Variants in MYO5C observed in about 807,000 individuals in gnomAD.
MYO5C encodes unconventional myosin-Vc.
MYO5C carries 194 observed loss-of-function variants against 235.7 expected under a neutral mutation model. The ratio of observed to expected loss-of-function variants is 0.82; its 90% CI spans 0.73 to 0.93. MYO5C has a LOEUF of 0.93. Among genes scored for constraint, MYO5C ranks in the 40% least tolerant of loss-of-function variants. The pLI is 0.00. For missense variants in MYO5C, 2,038 were observed against 2,127.2 expected (o/e 0.96, Z 0.82); for synonymous variants, 707 against 754.8 (o/e 0.94, Z 1.04).
At position 52,193,590 on chromosome 15, in the gene MYO5C, C is replaced by T. The variant is rs560955491; in HGVS notation, c.*312G>A. ...AGATCTCACTCCCTCCTGGTAGAGC[C>T]CTGCCACAAGACAGAACAGATCAAG... On this transcript the variant is annotated 3_prime_UTR_variant, in exon 41 of 41. Coordinates refer to ENST00000261839, the MANE Select transcript of MYO5C (RefSeq NM_018728.4). 2.7e-4 allele frequency: 64 copies of T among 239,678 alleles called. 1 individual carries two copies. In the South Asian group the frequency reaches 4.2e-3, roughly 16 times the overall value. The allele number at this position is 239,678 out of a possible 1,614,324, so 14.8% of individuals were successfully genotyped here.
chr15:52,216,493 A>G (rs2035556177), intron 32 of MYO5C, among the ~76,000 whole-genome samples: 1 of 152,212 alleles, frequency 6.6e-6, no homozygotes, highest in South Asian at 2.1e-4. Context: ...GATTACAGGC[A>G]TGAGCCACTG....
At chr15:52,203,013 C>T (rs114057027) in intron 38 of MYO5C, among the ~76,000 whole-genome samples, 7,433 of 151,252 alleles carry the variant, frequency 0.049, 235 homozygotes, top group African/African-American at 0.087. Flanking sequence ...GTCTGCCTCC[C>T]CAGTTCTAGT....
chr15:52,236,414 C>G lies in MYO5C; in HGVS notation c.2869-651G>C, dbSNP rs373993082. Among the ~76,000 whole-genome samples, 9 of 152,326 alleles carry G rather than the reference C, an allele frequency of 5.9e-5. No individual in the cohort carries two copies. In the East Asian group the frequency reaches 1.2e-3, roughly 20 times the overall value. ...AGAGGCTGGGCACGGTGGCTCACAC[C>G]TGTAATCCCTGCATTTTGGGAGGCC... is the stretch of plus-strand genomic sequence containing the variant. On this transcript the variant is annotated intron_variant, in intron 22 of 40. Coordinates refer to ENST00000261839, the MANE Select transcript of MYO5C (RefSeq NM_018728.4).
chr15:52,227,207 T>G (rs1315346178), intron 25 of MYO5C, among the ~76,000 whole-genome samples: 2 of 121,668 alleles, frequency 1.6e-5, no homozygotes, highest in African/African-American at 7.0e-5. Context: ...TTTTTTTTTT[T>G]TTGTTGAGAC....
chr15:52,287,554 GC>G (rs1043183786), intron 1 of MYO5C, among the ~76,000 whole-genome samples: 1 of 152,032 alleles, frequency 6.6e-6, no homozygotes, highest in African/African-American at 2.4e-5. Flanking sequence ...CAAAATATAT[GC>G]CCCCCAAAAG....
At chr15:52,232,749 A>G in intron 23 of MYO5C, 64 bp from the exon 24 acceptor site, 1 of 1,407,674 alleles carries the variant, frequency 7.1e-7, no homozygotes, top group Non-Finnish European at 1.0e-6. Flanking sequence ...GTTTCATGTT[A>G]TGTTTAAGAA....
chr15:52,263,917 C>T (rs2036746363), intron 9 of MYO5C, among the ~76,000 whole-genome samples: 1 of 152,192 alleles, frequency 6.6e-6, no homozygotes, highest in Non-Finnish European at 1.5e-5. Context: ...GATGCTATGA[C>T]AGTCCGTGGC....
chr15:52,204,857 G>A lies in MYO5C; in HGVS notation c.4820+8C>T, dbSNP rs144368977. The A allele has an allele frequency of 1.2e-3, 2,011 of 1,613,120 alleles. 21 individuals carry two copies. The African/African-American group carries it at 0.023, about 19-fold the overall frequency. ...CTCTCCGCGTGAGCGGAGGTTTCTG[G>A]GTTTTACCTGATCTGCATCCCTTTT... On this transcript the variant is annotated splice_region_variant and intron_variant, in intron 38 of 40. Coordinates refer to ENST00000261839, the MANE Select transcript of MYO5C (RefSeq NM_018728.4).
intron 13 of MYO5C, among the ~76,000 whole-genome samples, chr15:52,250,155 T>C (rs1398286243): frequency 6.6e-6 from 1 of 152,092 alleles, no homozygotes; most frequent in Admixed American, 6.5e-5. Flanking sequence ...TAATTTGACA[T>C]ATGATCATTT....
At position 52,229,312 on chromosome 15, in the gene MYO5C, G is replaced by A; in HGVS notation, c.3028C>T (p.Leu1010Phe). The change falls in exon 25 of 41, where the codon CTT (leucine) becomes TTT (phenylalanine). Residue 1010 changes from leucine (L) to phenylalanine (F), a missense_variant and splice_region_variant. Coordinates refer to ENST00000261839, the MANE Select transcript of MYO5C (RefSeq NM_018728.4). ...TTCAGTTCAAAACTTTTTTCAAGAAGCCTACGCAGCAAAAGAAGAAAATAA... is the reference window on the plus strand; with the variant it reads ...TTCAGTTCAAAACTTTTTTCAAGAAACCTACGCAGCAAAAGAAGAAAATAA... ...DVQKEERQRM[L>F]LEKSFELKTQ... The A allele has an allele frequency of 6.2e-7, 1 of 1,610,502 alleles. No homozygotes were observed. The highest frequency in any genetic ancestry group is 8.5e-7 in the Non-Finnish European group (1 of 1,179,630).
At chr15:52,196,966 T>C (rs141186813) in intron 38 of MYO5C, among the ~76,000 whole-genome samples, 43 of 152,334 alleles carry the variant, frequency 2.8e-4, no homozygotes, top group African/African-American at 1.0e-3. Context: ...GCCAATCCAC[T>C]GTGTGAGCCT....
At chr15:52,212,418 G>A (rs764147991) in intron 34 of MYO5C, among the ~76,000 whole-genome samples, 1 of 152,172 alleles carries the variant, frequency 6.6e-6, no homozygotes, top group African/African-American at 2.4e-5. Flanking sequence ...ATGTCCCCTG[G>A]CTGCAGGAAG....
chr15:52,288,442 A>C (rs1484618556), intron 1 of MYO5C, among the ~76,000 whole-genome samples: 1 of 152,202 alleles, frequency 6.6e-6, no homozygotes, highest in Non-Finnish European at 1.5e-5. Flanking sequence ...GTGACTCCTC[A>C]GCCCAGTACC....
rs1260049722 is a variant in MYO5C, at chr15:52,196,473, T to C, written c.4831A>G (p.Ser1611Gly). 2 of 1,612,992 alleles carry C rather than the reference T, an allele frequency of 1.2e-6. No individual in the cohort carries two copies. Among genetic ancestry groups the C allele is most frequent in the African/African-American group, 2.7e-5 (2 of 74,844 alleles). Residue 1611 changes from serine (S) to glycine (G), a missense_variant, in exon 39 of 41, where the codon AGC (serine) becomes GGC (glycine). Transcript: ENST00000261839. ...TCTTTAAGCCATTCTTCTAAGTAGC[T>C]GATATTGCACCTGGAGGGAAAGGCA... ...RKGMQIRCNISYLEEWLKDKN... is the reference protein window; with the variant it reads ...RKGMQIRCNIGYLEEWLKDKN...
At chr15:52,271,625 A>C in intron 7 of MYO5C, 138 bp downstream of exon 7, 1 of 491,606 alleles carries the variant, frequency 2.0e-6, no homozygotes, top group African/African-American at 2.0e-5. Context: ...AGATGCACCA[A>C]TTCTGTCCCT....
At position 52,275,656 on chromosome 15, in the gene MYO5C, G is replaced by A. The variant is rs1315751628; in HGVS notation, c.512C>T (p.Ala171Val). The change falls in exon 5 of 41, where the codon GCT becomes GTT. Residue 171 changes from alanine to valine, a missense_variant. Coordinates refer to ENST00000261839, the MANE Select transcript of MYO5C (RefSeq NM_018728.4). The part of the protein sequence containing the change: ...GESGAGKTVS[A>V]RYAMRYFATV... ...GGCAAAGTACCTCATGGCATAGCGA[G>A]CCGACACTGTCTTTCCAGCACCTGA... 6.2e-7 allele frequency: 1 copy of A among 1,614,096 alleles called. No individual in the cohort carries two copies. The highest frequency in any genetic ancestry group is 1.3e-5 in the African/African-American group (1 of 74,922).
chr15:52,199,330 G>A (rs1283839137), intron 38 of MYO5C, among the ~76,000 whole-genome samples: 4 of 152,152 alleles, frequency 2.6e-5, no homozygotes, highest in Non-Finnish European at 5.9e-5. Context: ...AAAGATGTGT[G>A]GTGGGTTTCC....
At chr15:52,213,742 GT>G (rs1291831926) in intron 33 of MYO5C, among the ~76,000 whole-genome samples, 1 of 152,220 alleles carries the variant, frequency 6.6e-6, no homozygotes, top group Non-Finnish European at 1.5e-5. Context: ...CAACACAAAT[GT>G]TTAATCATAC....
intron 19 of MYO5C, 81 bp downstream of exon 19, chr15:52,244,275 T>C: frequency 7.1e-7 from 1 of 1,414,116 alleles, no homozygotes; most frequent in Non-Finnish European, 9.8e-7. Context: ...AGGTCCCTTG[T>C]CCTTGATGAG....
Sources: allele counts gnomAD v4.1 joint callset (sites outside exome capture counted in the v4.1 genomes callset), GRCh38; gene constraint gnomAD v4.1.1; transcripts MANE v1.5; gene names NCBI Gene and HGNC (gene_info 2026-07-23, HGNC 2026-07-21).